Variants in SIPA1L3 observed in about 807,000 individuals in gnomAD.
SIPA1L3 encodes the protein signal induced proliferation associated 1 like 3.
Under a neutral mutation model 150.1 loss-of-function variants are expected in SIPA1L3, and 59 were observed. That is an observed-to-expected ratio of 0.39 (90% CI 0.32 to 0.49). The LOEUF is 0.49. Among genes scored for constraint, SIPA1L3 ranks in the 20% least tolerant of loss-of-function variants. The probability of loss-of-function intolerance (pLI) is 0.86; values close to 1 mark genes in which losing one functional copy is unlikely to be tolerated. For synonymous variants in SIPA1L3, 1,070 were observed against 1,077.6 expected (o/e 0.99, Z 0.14); for missense variants, 2,211 against 2,489.5 (o/e 0.89, Z 2.38).
intron 12 of SIPA1L3, among the ~76,000 whole-genome samples, chr19:38,143,347 T>C (rs1971634481): frequency 6.6e-6 from 1 of 152,018 alleles, no homozygotes; most frequent in South Asian, 2.1e-4. Context: ...GCCTGAGCTG[T>C]GGCCCTCATC....
rs147834513 is a variant in SIPA1L3 at position 38,128,461 on chromosome 19, C to T, written c.2869-2037C>T. 3.2e-3 allele frequency among the ~76,000 whole-genome samples: 486 copies of T among 152,324 alleles called. 2 individuals carry two copies. The highest frequency in any genetic ancestry group is 0.011 in the African/African-American group (469 of 41,568). On this transcript the variant is annotated intron_variant, in intron 9 of 21. Coordinates refer to ENST00000222345, the MANE Select transcript of SIPA1L3 (RefSeq NM_015073.3). ...CCAAATGCTTACTTCTTGCTATCCA[C>T]ACTCAAGAATGTGACGGATTTGAAT...
chr19:38,192,432 A>G, intron 17 of SIPA1L3, 122 bp downstream of exon 17: 1 of 913,768 alleles, frequency 1.1e-6, no homozygotes, highest in South Asian at 1.8e-5. Context: ...TCGTGTCCCC[A>G]GCCTTTGGCA....
Position 38,082,438 on chromosome 19 carries a change from C to T in SIPA1L3, c.873C>T (p.Leu291=), listed in dbSNP as rs892975788. 1.3e-6 allele frequency: 2 copies of T among 1,590,598 alleles called. No individual in the cohort carries two copies. Among genetic ancestry groups the T allele is most frequent in the Non-Finnish European group, 1.7e-6 (2 of 1,170,984 alleles). Residue 291 remains leucine (L), a synonymous_variant, in exon 3 of 22, where the codon CTC becomes CTT. Coordinates refer to ENST00000222345, the MANE Select transcript of SIPA1L3 (RefSeq NM_015073.3). ...CCCGGAAGAAACCTGCGCGGGGCCT[C>T]GGCGGCGGGGACACGGTGGACTCGT... ...EKARKKPARG[L]GGGDTVDSSI... is the part of the protein sequence containing the mutation.
intron 1 of SIPA1L3, among the ~76,000 whole-genome samples, chr19:38,015,166 T>C (rs1213202051): frequency 6.6e-6 from 1 of 152,202 alleles, no homozygotes; most frequent in Admixed American, 6.5e-5. Flanking sequence ...TTGGAATCAC[T>C]AAATGACACA....
intron 1 of SIPA1L3, among the ~76,000 whole-genome samples, chr19:37,952,880 A>G (rs1164043738): frequency 1.3e-5 from 2 of 152,062 alleles, no homozygotes; most frequent in Non-Finnish European, 2.9e-5. Context: ...AGGCCTGGGT[A>G]TCTGCATTTT....
chr19:38,183,836 G>C (rs1355499871), intron 16 of SIPA1L3, among the ~76,000 whole-genome samples: 2 of 152,190 alleles, frequency 1.3e-5, no homozygotes, highest in Non-Finnish European at 2.9e-5. Context: ...AGGGCCAGGA[G>C]AGGCGGAGCT....
chr19:38,024,706 A>G (rs531443170), intron 1 of SIPA1L3, among the ~76,000 whole-genome samples: 1 of 152,214 alleles, frequency 6.6e-6, no homozygotes, highest in African/African-American at 2.4e-5. Context: ...GACAGGCAGT[A>G]TTTTGTGCTT....
chr19:38,165,510 G>A (rs1249720899), intron 15 of SIPA1L3, among the ~76,000 whole-genome samples: 1 of 152,206 alleles, frequency 6.6e-6, no homozygotes, highest in East Asian at 1.9e-4. Flanking sequence ...AAAGTTGGAA[G>A]CCTCTGAGCA....
intron 21 of SIPA1L3, among the ~76,000 whole-genome samples, chr19:38,205,884 C>G (rs1973198847): frequency 6.6e-6 from 1 of 152,248 alleles, no homozygotes; most frequent in Admixed American, 6.5e-5. Context: ...AGACACCCCT[C>G]AGCCTCCTGG....
At chr19:37,975,136 GAC>G (rs1258447526) in intron 1 of SIPA1L3, among the ~76,000 whole-genome samples, 1 of 152,246 alleles carries the variant, frequency 6.6e-6, no homozygotes, top group Non-Finnish European at 1.5e-5. Context: ...TCGTGGAACT[GAC>G]AGCCTGGAGG....
chr19:38,001,134 G>C (rs1967799076), intron 1 of SIPA1L3, among the ~76,000 whole-genome samples: 1 of 151,536 alleles, frequency 6.6e-6, no homozygotes, highest in African/African-American at 2.4e-5. Flanking sequence ...GGAATCATGT[G>C]AGCTTGGCTT....
At chr19:38,086,020 AAAC>A (rs1341352647) in intron 3 of SIPA1L3, among the ~76,000 whole-genome samples, 2 of 151,938 alleles carry the variant, frequency 1.3e-5, no homozygotes. Context: ...AACAAAAAAA[AAAC>A]GCTACGGGGA....
At chr19:37,965,989 C>T (rs188285424) in intron 1 of SIPA1L3, among the ~76,000 whole-genome samples, 1 of 152,278 alleles carries the variant, frequency 6.6e-6, no homozygotes, top group Admixed American at 6.5e-5. Flanking sequence ...AGTCTGTGAT[C>T]TATCACATTA....
At position 37,992,448 on chromosome 19, in the gene SIPA1L3, C is replaced by T. The variant is rs139796613; in HGVS notation, c.-378-36641C>T. 1.6e-3 allele frequency among the ~76,000 whole-genome samples: 236 copies of T among 152,134 alleles called. 3 individuals carry two copies. Among genetic ancestry groups the T allele is most frequent in the African/African-American group, 4.9e-3 (205 of 41,500 alleles). On this transcript the variant is annotated intron_variant, in intron 1 of 21. Transcript: ENST00000222345. ...GGTGGATCACTCGAAGTCAGGAGTT[C>T]GAGACCAGCCTGGCCAACACGGCGA...
At chr19:37,923,776 T>C (rs1044023663) in intron 1 of SIPA1L3, among the ~76,000 whole-genome samples, 2 of 152,304 alleles carry the variant, frequency 1.3e-5, no homozygotes, top group African/African-American at 4.8e-5. Flanking sequence ...TTTCTTTTTT[T>C]TGAGACAGAG....
intron 12 of SIPA1L3, among the ~76,000 whole-genome samples, chr19:38,148,089 A>G (rs1971739075): frequency 6.6e-6 from 1 of 151,668 alleles, no homozygotes; most frequent in South Asian, 2.1e-4. Context: ...TCGGTGGCTC[A>G]AGCCTGTAAT....
intron 1 of SIPA1L3, among the ~76,000 whole-genome samples, chr19:38,012,927 C>G (rs1008203384): frequency 6.6e-6 from 1 of 152,142 alleles, no homozygotes; most frequent in Non-Finnish European, 1.5e-5. Context: ...ATCTTTGTCC[C>G]CTGTTCCCTT....
At chr19:38,152,442 T>A (rs1393621496) in intron 12 of SIPA1L3, among the ~76,000 whole-genome samples, 1 of 152,130 alleles carries the variant, frequency 6.6e-6, no homozygotes, top group East Asian at 1.9e-4. Flanking sequence ...ACCTGCTGTC[T>A]CCATCAGAGC....
At chr19:38,124,900 G>A in intron 9 of SIPA1L3, among the ~76,000 whole-genome samples, 1 of 152,128 alleles carries the variant, frequency 6.6e-6, no homozygotes. Flanking sequence ...CACTCCGCAG[G>A]CTGAGGCAGG....
Sources: gnomAD v4.1 joint callset for allele counts (sites outside exome capture counted in the v4.1 genomes callset) on GRCh38, gnomAD v4.1.1 for gene constraint, MANE v1.5 for transcripts, NCBI Gene and HGNC (gene_info 2026-07-23, HGNC 2026-07-21) for gene names.